CCDC136: variants seen among roughly 807,000 people sequenced by gnomAD.
CCDC136 encodes the protein coiled-coil domain containing 136.
In CCDC136, 100 loss-of-function variants were observed where a neutral mutation model predicts 141.2. That is an observed-to-expected ratio of 0.71 (90% confidence interval 0.60 to 0.84). The LOEUF (loss-of-function observed/expected upper bound fraction) is 0.84. Among genes scored for constraint, CCDC136 ranks in the 40% least tolerant of loss-of-function variants. CCDC136 has a pLI of 0.00. For synonymous variants in CCDC136, 474 were observed against 531.9 expected (o/e 0.89, Z 1.50); for missense variants, 1,206 against 1,379.4 (o/e 0.87, Z 1.99).
At position 128,811,903 on chromosome 7, in the gene CCDC136, A is replaced by C. The variant is rs1470158571; in HGVS notation, c.2132A>C (p.Glu711Ala). The C allele has an allele frequency of 6.2e-7, 1 of 1,613,862 alleles. No homozygotes were observed. The highest frequency in any genetic ancestry group is 1.3e-5 in the African/African-American group (1 of 75,058). Residue 711 changes from glutamate (E) to alanine (A), a missense_variant, in exon 13 of 18, where the codon GAG becomes GCG. By Grantham distance (107) the Glu-to-Ala change is moderately radical. Coordinates refer to ENST00000297788, the MANE Select transcript of CCDC136 (RefSeq NM_022742.5). The part of the protein sequence containing the change: ...LLQQEQGRLL[E>A]ERKRLQADLQ... ...CAGCAAGAGCAAGGGAGGCTCCTAG[A>C]GGAGCGGAAGAGGCTGCAGGCAGAC... is the stretch of plus-strand genomic sequence containing the variant.
chr7:128,817,192 A>AG lies in CCDC136; in HGVS notation c.3364-566_3364-565insG. On this transcript the variant is annotated intron_variant, in intron 16 of 17. Coordinates refer to ENST00000297788, the MANE Select transcript of CCDC136 (RefSeq NM_022742.5). This position sits in a 1 kb window ranked among gnomAD's most constrained non-coding sequence, Gnocchi z 4.6. ...GCAGCTCTAGGGCATGTGTATTACC[A>AG]CCTTGCAAAATCGGTTTCTCTCTGG... is the stretch of plus-strand genomic sequence containing the variant. Among the ~76,000 whole-genome samples, 1 of 152,164 alleles carries AG rather than the reference A, an allele frequency of 6.6e-6. No homozygotes were observed. Among genetic ancestry groups the AG allele is most frequent in the Non-Finnish European group, 1.5e-5 (1 of 68,026 alleles).
chr7:128,811,876 T>G lies in CCDC136; in HGVS notation c.2105T>G (p.Leu702Trp). The change falls in exon 13 of 18, where the codon TTG becomes TGG. Residue 702 changes from leucine to tryptophan, a missense_variant. Leu to Trp is a moderately conservative substitution (Grantham distance 61, BLOSUM62 -2). Transcript: ENST00000297788. ...YDAGQAKQEL[L>W]QQEQGRLLEE... is the part of the protein sequence containing the mutation. ...GCCGGTCAGGCGAAGCAGGAGCTCT[T>G]GCAGCAAGAGCAAGGGAGGCTCCTA... The G allele has an allele frequency of 6.2e-7, 1 of 1,613,308 alleles. No individual in the cohort carries two copies. Among genetic ancestry groups the G allele is most frequent in the Non-Finnish European group, 8.5e-7 (1 of 1,179,580 alleles).
chr7:128,799,068 G>A (rs965965985), intron 3 of CCDC136, among the ~76,000 whole-genome samples: 1 of 151,074 alleles, frequency 6.6e-6, no homozygotes, highest in African/African-American at 2.4e-5. Flanking sequence ...AGGTGTGGTG[G>A]CTCATGCCTG....
At chr7:128,806,890 G>T (rs1202670890) in intron 9 of CCDC136, 32 bp downstream of exon 9, 2 of 1,566,740 alleles carry the variant, frequency 1.3e-6, no homozygotes, top group Admixed American at 3.7e-5. Flanking sequence ...GGAGGATGTA[G>T]CCAGGCATCA....
At position 128,794,137 on chromosome 7, in the gene CCDC136, A is replaced by C; in HGVS notation, c.17-211A>C. ...TACCAAGTGCAACATTGGTCCAGGA[A>C]GGGCCTGGGAGGTGGAGGGGCTGCT... On this transcript the variant is annotated intron_variant, in intron 1 of 17. Transcript: ENST00000297788. The surrounding 1 kb of genome is among the most constrained non-coding windows in gnomAD (Gnocchi z 4.3). 1 of 654,850 alleles carries C rather than the reference A, an allele frequency of 1.5e-6. No homozygotes were observed. Among genetic ancestry groups the C allele is most frequent in the Non-Finnish European group, 2.8e-6 (1 of 362,754 alleles). The allele number at this position is 654,850 out of a possible 1,614,324, so 40.6% of individuals were successfully genotyped here.
chr7:128,792,170 G>A lies in CCDC136; in HGVS notation c.-242G>A. On this transcript the variant is annotated 5_prime_UTR_variant, in exon 1 of 18. Transcript: ENST00000297788. ...GAGAGGTGGCCGAGAGAGAGGAGTC[G>A]CAGAGCCGCCAGAGTGAGTCAGGCA... is the stretch of plus-strand genomic sequence containing the variant. 1 of 1,439,304 alleles carries A rather than the reference G, an allele frequency of 6.9e-7. No individual in the cohort carries two copies. The highest frequency in any genetic ancestry group is 9.1e-7 in the Non-Finnish European group (1 of 1,103,222). The allele number at this position is 1,439,304 out of a possible 1,614,324, so 89.2% of individuals were successfully genotyped here.
At chr7:128,809,381 C>A in intron 10 of CCDC136, 69 bp from the exon 11 acceptor site, 2 of 1,082,498 alleles carry the variant, frequency 1.8e-6, no homozygotes, top group Non-Finnish European at 2.7e-6. Flanking sequence ...CGCAGAAGTG[C>A]TCTGTTAGCC....
At chr7:128,819,127 C>T (rs1807093456) in intron 17 of CCDC136, among the ~76,000 whole-genome samples, 1 of 152,354 alleles carries the variant, frequency 6.6e-6, no homozygotes, top group African/African-American at 2.4e-5. Flanking sequence ...CTGTCACCCC[C>T]CAGAAGTCTT....
intron 16 of CCDC136, among the ~76,000 whole-genome samples, chr7:128,816,221 G>A (rs1806608742): frequency 6.6e-6 from 1 of 152,222 alleles, no homozygotes; most frequent in Non-Finnish European, 1.5e-5. Flanking sequence ...AGTAGCCTTT[G>A]TTACCTTCCT....
At position 128,791,981 on chromosome 7, in the gene CCDC136, C is replaced by T; in HGVS notation, c.-431C>T. ...ACTCCTCCCTCCCTCCATCTGTAGG[C>T]CACCTCAGCCTTTCAGCCTCTTCTT... On this transcript the variant is annotated 5_prime_UTR_variant, in exon 1 of 18. Coordinates refer to ENST00000297788, the MANE Select transcript of CCDC136 (RefSeq NM_022742.5). This position sits in a 1 kb window ranked among gnomAD's most constrained non-coding sequence, Gnocchi z 7.1. 1.7e-6 allele frequency: 2 copies of T among 1,166,104 alleles called. No homozygotes were observed. Among genetic ancestry groups the T allele is most frequent in the Admixed American group, 4.5e-5 (1 of 21,980 alleles). The allele number at this position is 1,166,104 out of a possible 1,614,324, so 72.2% of individuals were successfully genotyped here.
chr7:128,791,999 CTCT>C lies in CCDC136; in HGVS notation c.-407_-405del. The C allele has an allele frequency of 8.4e-7, 1 of 1,188,844 alleles. No homozygotes were observed. Among genetic ancestry groups the C allele is most frequent in the Non-Finnish European group, 1.0e-6 (1 of 957,712 alleles). The allele number at this position is 1,188,844 out of a possible 1,614,324, so 73.6% of individuals were successfully genotyped here. On this transcript the variant is annotated 5_prime_UTR_variant, in exon 1 of 18. Transcript: ENST00000297788. This position sits in a 1 kb window ranked among gnomAD's most constrained non-coding sequence, Gnocchi z 7.1. ...CTGTAGGCCACCTCAGCCTTTCAGCCTCTTCTTCACTGGCTCCCGCCCTCTTTC... is the reference window on the plus strand; with the variant it reads ...CTGTAGGCCACCTCAGCCTTTCAGCCTCTTCACTGGCTCCCGCCCTCTTTC...
At chr7:128,808,641 G>A (rs764144513) in intron 10 of CCDC136, 508 of 985,424 alleles carry the variant, frequency 5.2e-4, no homozygotes, top group Middle Eastern at 5.2e-4. Flanking sequence ...TGTCCCTGGG[G>A]AAAGGCCTTC....
Position 128,815,740 on chromosome 7 carries a change from T to C in CCDC136, c.3172T>C (p.Cys1058Arg). ...KQVKEEAKEQCGDELVAEPAD... is the reference protein window; with the variant it reads ...KQVKEEAKEQRGDELVAEPAD... ...AGTGAAAGAGGAAGCAAAGGAGCAGTGTGGGGATGAGCTAGTTGCTGAGCC... is the reference window on the plus strand; with the variant it reads ...AGTGAAAGAGGAAGCAAAGGAGCAGCGTGGGGATGAGCTAGTTGCTGAGCC... The change falls in exon 16 of 18, where the codon TGT becomes CGT. Residue 1058 changes from cysteine to arginine, a missense_variant. By Grantham distance (180) the Cys-to-Arg change is radical. Transcript: ENST00000297788. 1 of 1,561,530 alleles carries C rather than the reference T, an allele frequency of 6.4e-7. No homozygotes were observed. The highest frequency in any genetic ancestry group is 8.7e-7 in the Non-Finnish European group (1 of 1,152,988).
At chr7:128,811,218 A>G (rs1402617211) in intron 12 of CCDC136, 1 of 443,778 alleles carries the variant, frequency 2.3e-6, no homozygotes, top group African/African-American at 2.0e-5. Flanking sequence ...GGCCTGGGTA[A>G]CACAGCTGGG....
At chr7:128,791,511 A>G (rs1048929658), upstream of CCDC136, 13 of 1,295,864 alleles carry the variant, frequency 1.0e-5, no homozygotes, top group South Asian at 2.5e-4. The surrounding 1 kb of genome is among the most constrained non-coding windows in gnomAD (Gnocchi z 7.1). Context: ...CGGGCGCCGG[A>G]GCCGGCGCGG....
chr7:128,796,090 C>T (rs1802901790), intron 3 of CCDC136, among the ~76,000 whole-genome samples: 1 of 152,190 alleles, frequency 6.6e-6, no homozygotes. Context: ...ATTCTAGTGC[C>T]TCAGCCTCCC....
Position 128,821,084 on chromosome 7 carries a change from G to A in CCDC136, c.*6-715G>A, listed in dbSNP as rs1807378144. 6.6e-6 allele frequency among the ~76,000 whole-genome samples: 1 copy of A among 152,138 alleles called. No homozygotes were observed. The highest frequency in any genetic ancestry group is 2.4e-5 in the African/African-American group (1 of 41,430). ...GTCTAAGATTTTCATATTACCTAAT[G>A]GATGCTTTTTGGATATCTTCGATGG... On this transcript the variant is annotated intron_variant, in intron 17 of 17. Transcript: ENST00000297788. The surrounding 1 kb of genome is among the most constrained non-coding windows in gnomAD (Gnocchi z 5.1).
In CCDC136 at chr7:128,806,300, C is replaced by T. The variant is rs1307862386; in HGVS notation, c.1153C>T (p.Gln385Ter). Residue 385 changes from glutamine to a stop codon, truncating the protein, a stop_gained, in exon 8 of 18, where the codon CAG becomes TAG. Transcript: ENST00000297788. LOFTEE classifies it high-confidence loss of function. ...QKKYDTSQDE[Q>*]NELLKMQLQL... The stretch of plus-strand genomic sequence containing the variant: ...AAAATATGATACTAGCCAGGATGAG[C>T]AGAACGAGCTCTTGAAGATGCAGCT... 1 of 1,587,994 alleles carries T rather than the reference C, an allele frequency of 6.3e-7. No individual in the cohort carries two copies. Among genetic ancestry groups the T allele is most frequent in the Non-Finnish European group, 8.6e-7 (1 of 1,167,030 alleles).
intron 17 of CCDC136, among the ~76,000 whole-genome samples, chr7:128,820,003 A>G (rs1335328522): frequency 6.6e-6 from 1 of 152,246 alleles, no homozygotes; most frequent in Non-Finnish European, 1.5e-5. Flanking sequence ...CAAAGGCAGA[A>G]TTTTCCATTC....
Sources: allele counts gnomAD v4.1 joint callset (sites outside exome capture counted in the v4.1 genomes callset), GRCh38; gene constraint gnomAD v4.1.1; non-coding constraint Gnocchi (gnomAD v3.1); transcripts MANE v1.5; gene names NCBI Gene and HGNC (gene_info 2026-07-23, HGNC 2026-07-21).